Variants in SGSH observed in about 807,000 individuals in gnomAD.
SGSH encodes the protein N-sulfoglucosamine sulfohydrolase.
In SGSH, 48 loss-of-function variants were observed where a neutral mutation model predicts 51.0. The ratio of observed to expected loss-of-function variants is 0.94; its 90% CI spans 0.75 to 1.20. The LOEUF (loss-of-function observed/expected upper bound fraction) is 1.20. Among genes scored for constraint, SGSH ranks in the 50% most tolerant of loss-of-function variants. The pLI is 0.00. For missense variants in SGSH, 662 were observed against 717.8 expected (o/e 0.92, Z 0.89); for synonymous variants, 321 against 313.4 (o/e 1.02, Z -0.26).
chr17:80,201,973 G>A, downstream of SGSH: 1 of 1,432,670 alleles, frequency 7.0e-7, no homozygotes, highest in Non-Finnish European at 9.4e-7. This position sits in a 1 kb window ranked among gnomAD's most constrained non-coding sequence, Gnocchi z 5.0. Flanking sequence ...GGGACCCCCA[G>A]AGCCAAGAGA....
Position 80,210,725 on chromosome 17 carries a change from C to G in SGSH, c.1236G>C (p.Leu412=), listed in dbSNP as rs779718665. 6.2e-7 allele frequency: 1 copy of G among 1,613,890 alleles called. No homozygotes were observed. The highest frequency in any genetic ancestry group is 1.1e-5 in the South Asian group (1 of 91,074). ...TGGGCTGACCAGCTGTGGTGCGGTTCAGGAGGTCCTGGAAGGTGGGTGAGA... is the reference window on the plus strand; with the variant it reads ...TGGGCTGACCAGCTGTGGTGCGGTTGAGGAGGTCCTGGAAGGTGGGTGAGA... ...FYVSPTFQDL[L]NRTTAGQPTG... The change falls in exon 8 of 8, where the codon CTG becomes CTC. Residue 412 remains leucine (L), a synonymous_variant. Transcript: ENST00000326317.
At chr17:80,219,022 T>C (rs916034407) in intron 1 of SGSH, among the ~76,000 whole-genome samples, 6 of 151,836 alleles carry the variant, frequency 4.0e-5, no homozygotes, top group Non-Finnish European at 5.9e-5. Context: ...TAGCCAGGCA[T>C]GGTGATGTGC....
At chr17:80,217,264 G>C (rs767015790) in intron 1 of SGSH, 72 bp from the exon 2 acceptor site, 14 of 1,532,402 alleles carry the variant, frequency 9.1e-6, no homozygotes, top group African/African-American at 1.4e-5. Flanking sequence ...AGTGAGGGAG[G>C]CTGGGACTGT....
chr17:80,207,110 A>T (rs2041364750), downstream of SGSH: 1 of 1,570,338 alleles, frequency 6.4e-7, no homozygotes, highest in South Asian at 1.1e-5. Flanking sequence ...GGGGCTGGGC[A>T]GGGGCTTCGA....
At position 80,220,296 on chromosome 17, in the gene SGSH, G is replaced by A. The variant is rs544042160; in HGVS notation, c.18C>T (p.Pro6=). The part of the protein sequence containing the change: MSCPV[P]ACCALLLVLG... ...GGACTAGCAGCAGCGCGCAGCAGGC[G>A]GGCACGGGGCAGCTCATGGCGGCGG... Residue 6 remains proline, a synonymous_variant, in exon 1 of 8, where the codon CCC becomes CCT. Coordinates refer to ENST00000326317, the MANE Select transcript of SGSH (RefSeq NM_000199.5). 2.6e-6 allele frequency: 4 copies of A among 1,516,582 alleles called. No homozygotes were observed. The highest frequency in any genetic ancestry group is 2.6e-6 in the Non-Finnish European group (3 of 1,139,178). The allele number at this position is 1,516,582 out of a possible 1,614,324, so 93.9% of individuals were successfully genotyped here. A position where few individuals can be genotyped will look rare whatever the true frequency, so the allele number is the denominator to read the frequency against.
downstream of SGSH, chr17:80,202,167 C>A (rs377635873): frequency 4.4e-6 from 7 of 1,600,428 alleles, no homozygotes; most frequent in Admixed American, 1.0e-4. Flanking sequence ...TGGCTCATGT[C>A]CCCTTTTATC....
downstream of SGSH, chr17:80,203,368 G>A (rs1260500761): frequency 6.1e-6 from 1 of 163,922 alleles, no homozygotes; most frequent in Non-Finnish European, 1.3e-5. This position sits in a 1 kb window ranked among gnomAD's most constrained non-coding sequence, Gnocchi z 4.6. Context: ...GAAAGCAGGA[G>A]TGTTGAGCTC....
At position 80,210,224 on chromosome 17, in the gene SGSH, C is replaced by G; in HGVS notation, c.*228G>C. On this transcript the variant is annotated 3_prime_UTR_variant, in exon 8 of 8. Coordinates refer to ENST00000326317, the MANE Select transcript of SGSH (RefSeq NM_000199.5). ...AGGACAACTGTGTCCCCTGCCATGA[C>G]GGCAGTGCCCCTGGTGGTGGAGGGG... 7.0e-7 allele frequency: 1 copy of G among 1,420,950 alleles called. No individual in the cohort carries two copies. The highest frequency in any genetic ancestry group is 9.2e-7 in the Non-Finnish European group (1 of 1,091,286). The allele number at this position is 1,420,950 out of a possible 1,614,324, so 88.0% of individuals were successfully genotyped here. A position where few individuals can be genotyped will look rare whatever the true frequency, so the allele number is the denominator to read the frequency against.
chr17:80,208,276 C>A (rs1195163306), downstream of SGSH: 3 of 1,598,104 alleles, frequency 1.9e-6, no homozygotes, highest in Non-Finnish European at 2.6e-6. Context: ...ACGGCCTGCT[C>A]AGCTGTGTCC....
At chr17:80,202,335 G>A (rs1214858072), downstream of SGSH, 2 of 1,613,482 alleles carry the variant, frequency 1.2e-6, no homozygotes, top group East Asian at 2.2e-5. Context: ...CATGTTCCAG[G>A]GCTGCGGCTG....
chr17:80,201,590 C>T, the SGSH span: 1 of 751,920 alleles, frequency 1.3e-6, no homozygotes, highest in Non-Finnish European at 2.3e-6. This position sits in a 1 kb window ranked among gnomAD's most constrained non-coding sequence, Gnocchi z 5.0. Context: ...CACAGAGGCT[C>T]TGGTGTGTGG....
downstream of SGSH, among the ~76,000 whole-genome samples, chr17:80,206,262 C>T (rs1044037152): frequency 7.2e-5 from 11 of 152,044 alleles, no homozygotes; most frequent in Non-Finnish European, 1.3e-4. Context: ...CCCAGGAGTT[C>T]AAGACCAGCC....
chr17:80,208,156 G>T, downstream of SGSH: 6 of 1,544,376 alleles, frequency 3.9e-6, no homozygotes, highest in African/African-American at 1.4e-5. Flanking sequence ...TACAGCGGTT[G>T]GGCACCTCAG....
chr17:80,207,020 C>G (rs759807969), downstream of SGSH: 5 of 1,613,964 alleles, frequency 3.1e-6, no homozygotes, highest in East Asian at 6.7e-5. Flanking sequence ...GCACCCTGCA[C>G]AGGATGGACA....
chr17:80,215,172 C>G (rs371012318), intron 2 of SGSH, 34 bp from the exon 3 acceptor site: 2 of 1,532,648 alleles, frequency 1.3e-6, no homozygotes, highest in Non-Finnish European at 8.9e-7. Flanking sequence ...CCGGGGCCCC[C>G]GGACAGCCAG....
chr17:80,208,583 G>C (rs111949026), downstream of SGSH: 152 of 459,362 alleles, frequency 3.3e-4, 1 homozygote, highest in African/African-American at 2.7e-3. Flanking sequence ...GGCTTGGCAT[G>C]GTCTGAACTG....
chr17:80,209,012 G>A (rs955392683), downstream of SGSH: 45 of 152,336 alleles, frequency 3.0e-4, no homozygotes, highest in Non-Finnish European at 2.6e-4. Flanking sequence ...GTGCCTGTTC[G>A]GTGGGGGTGT....
rs747247188 is a variant in SGSH at position 80,217,152 on chromosome 17, G to A, written c.129C>T (p.Ser43=). The A allele has an allele frequency of 3.7e-6, 6 of 1,600,642 alleles. No homozygotes were observed. The highest frequency in any genetic ancestry group is 4.3e-6 in the Non-Finnish European group (5 of 1,176,004). Residue 43 remains serine, a synonymous_variant, in exon 2 of 8, where the codon AGC becomes AGT. Transcript: ENST00000326317. ...GGFESGAYNN[S]AIATPHLDAL... ...CGTCCAGGTGCGGGGTGGCGATGGC[G>A]CTGTTGTTGTACGCGCCACTCTCAA...
downstream of SGSH, chr17:80,208,387 C>A: frequency 3.3e-6 from 5 of 1,495,394 alleles, no homozygotes; most frequent in Non-Finnish European, 3.6e-6. Context: ...CTTCTGTGTG[C>A]CTGTTAATGC....
Sources: gnomAD v4.1 joint callset for allele counts (sites outside exome capture counted in the v4.1 genomes callset) on GRCh38, gnomAD v4.1.1 for gene constraint, Gnocchi (gnomAD v3.1) non-coding constraint, MANE v1.5 for transcripts, NCBI Gene and HGNC (gene_info 2026-07-23, HGNC 2026-07-21) for gene names.